Variants in CETN3 observed in about 807,000 individuals in gnomAD.
CETN3 encodes centrin 3.
In CETN3, 17 loss-of-function variants were observed where a neutral mutation model predicts 20.1. That is an observed-to-expected ratio of 0.85 (90% CI 0.58 to 1.27). The LOEUF is 1.27. Among genes scored for constraint, CETN3 ranks in the 50% most tolerant of loss-of-function variants. The pLI, the probability that CETN3 is intolerant of heterozygous loss-of-function variation, is 0.00. For synonymous variants in CETN3, 52 were observed against 59.7 expected (o/e 0.87, Z 0.59); for missense variants, 169 against 191.2 (o/e 0.88, Z 0.69).
At chr5:90,409,587 A>G in intron 1 of CETN3, 58 bp downstream of exon 1, 2 of 1,603,718 alleles carry the variant, frequency 1.2e-6, no homozygotes, top group East Asian at 2.2e-5. Flanking sequence ...TTCCACACAC[A>G]CCCTCCCTGG....
chr5:90,408,988 T>C (rs1352472020), intron 1 of CETN3, among the ~76,000 whole-genome samples: 2 of 152,006 alleles, frequency 1.3e-5, no homozygotes, highest in Non-Finnish European at 2.9e-5. Flanking sequence ...AAGGGTACCA[T>C]GATTATCCCT....
At chr5:90,396,889 C>A (rs1349930284) in intron 4 of CETN3, among the ~76,000 whole-genome samples, 1 of 151,884 alleles carries the variant, frequency 6.6e-6, no homozygotes, top group African/African-American at 2.4e-5. Flanking sequence ...ATTCAACCAA[C>A]TGCAGATGAA....
At chr5:90,405,370 T>A in intron 3 of CETN3, 2 of 332,202 alleles carry the variant, frequency 6.0e-6, no homozygotes, top group Non-Finnish European at 1.1e-5. Flanking sequence ...AATAATTTTT[T>A]GATCACCCTT....
Position 90,394,124 on chromosome 5 carries a change from A to C in CETN3, c.461-17T>G, listed in dbSNP as rs1358649797. ...CTTGGTTTACTGTGGTAAGAAAGAA[A>C]ATGAAATAGTCAGAAATATAAACAT... is the stretch of plus-strand genomic sequence containing the variant. On this transcript the variant is annotated splice_polypyrimidine_tract_variant and intron_variant, in intron 4 of 4. Coordinates refer to ENST00000283122, the MANE Select transcript of CETN3 (RefSeq NM_004365.4). The C allele has an allele frequency of 6.7e-7, 1 of 1,492,170 alleles. No homozygotes were observed. Among genetic ancestry groups the C allele is most frequent in the Non-Finnish European group, 9.2e-7 (1 of 1,083,958 alleles). The allele number at this position is 1,492,170 out of a possible 1,614,324, so 92.4% of individuals were successfully genotyped here.
At chr5:90,404,054 T>C (rs1332692227) in intron 3 of CETN3, among the ~76,000 whole-genome samples, 1 of 152,148 alleles carries the variant, frequency 6.6e-6, no homozygotes, top group Non-Finnish European at 1.5e-5. Context: ...TATATGATTA[T>C]TTCGAGCCCC....
chr5:90,394,189 G>C, intron 4 of CETN3, 82 bp from the exon 5 acceptor site: 1 of 919,434 alleles, frequency 1.1e-6, no homozygotes, highest in Non-Finnish European at 1.6e-6. Flanking sequence ...TTTACACTAA[G>C]TATTTAAAAA....
chr5:90,397,180 C>T (rs1305696817), intron 4 of CETN3, among the ~76,000 whole-genome samples: 1 of 152,004 alleles, frequency 6.6e-6, no homozygotes, highest in African/African-American at 2.4e-5. Context: ...ACTACTTAAA[C>T]CCAAGAAAGT....
intron 1 of CETN3, among the ~76,000 whole-genome samples, 156 bp downstream of exon 1, chr5:90,409,489 G>A (rs574630041): frequency 2.0e-5 from 3 of 152,334 alleles, no homozygotes; most frequent in African/African-American, 7.2e-5. Flanking sequence ...GAGCCCAGAG[G>A]GTGAGTGATC....
rs577165348 is a variant in CETN3 at position 90,408,863 on chromosome 5, T to C, written c.17+782A>G. Among the ~76,000 whole-genome samples, 3 of 149,534 alleles carry C rather than the reference T, an allele frequency of 2.0e-5. No individual in the cohort carries two copies. The South Asian group carries it at 6.4e-4, about 32-fold the overall frequency. On this transcript the variant is annotated intron_variant, in intron 1 of 4. Transcript: ENST00000283122. ...TGCAGTATAACAAAGCTGAGGAAGATCTTCCTTTCATGAGACCTGACTTGA... is the reference window on the plus strand; with the variant it reads ...TGCAGTATAACAAAGCTGAGGAAGACCTTCCTTTCATGAGACCTGACTTGA...
intron 3 of CETN3, among the ~76,000 whole-genome samples, chr5:90,400,534 G>T (rs1048596338): frequency 2.7e-5 from 4 of 150,300 alleles, no homozygotes; most frequent in Non-Finnish European, 5.9e-5. Flanking sequence ...GGTATTTATG[G>T]CCTTTACTAT....
At chr5:90,408,615 G>A (rs1436707230) in intron 1 of CETN3, among the ~76,000 whole-genome samples, 2 of 152,090 alleles carry the variant, frequency 1.3e-5, no homozygotes, top group Non-Finnish European at 2.9e-5. Flanking sequence ...TTATTTTAAA[G>A]CCAGAAATGT....
chr5:90,407,462 G>A (rs933415760), intron 2 of CETN3, among the ~76,000 whole-genome samples: 48 of 152,000 alleles, frequency 3.2e-4, no homozygotes, highest in African/African-American at 1.1e-3. Context: ...CCTTCCCTGG[G>A]AATGTATTTT....
chr5:90,404,130 A>T (rs1425664575), intron 3 of CETN3, among the ~76,000 whole-genome samples: 1 of 152,172 alleles, frequency 6.6e-6, no homozygotes, highest in Admixed American at 6.5e-5. Flanking sequence ...ACAACATGCT[A>T]GGCCCTTTTC....
At chr5:90,406,585 G>A (rs1402676805) in intron 2 of CETN3, among the ~76,000 whole-genome samples, 1 of 151,846 alleles carries the variant, frequency 6.6e-6, no homozygotes. Context: ...CAAAAGTGTA[G>A]AGAACATTCA....
At chr5:90,404,410 TA>T (rs1243008446) in intron 3 of CETN3, among the ~76,000 whole-genome samples, 2 of 152,188 alleles carry the variant, frequency 1.3e-5, no homozygotes, top group African/African-American at 4.8e-5. Flanking sequence ...ATAAACAATC[TA>T]AGGTAAAACT....
rs1383836047 is a variant in CETN3 at position 90,405,799 on chromosome 5, C to A, written c.154G>T (p.Val52Leu). 8.8e-6 allele frequency: 14 copies of A among 1,590,862 alleles called. No individual in the cohort carries two copies. The highest frequency in any genetic ancestry group is 1.2e-5 in the Non-Finnish European group (14 of 1,166,950). ...DEAIDYHELK[V>L]AMRALGFDVK... ...TCAAACCCCAAGGCTCTCATTGCCA[C>A]CTTTTGGATTAAAAAGGAAAAGCAA... The change falls in exon 3 of 5, where the codon GTG becomes TTG. Residue 52 changes from valine (V) to leucine (L), a missense_variant and splice_region_variant. Val to Leu is a conservative substitution (Grantham distance 32, BLOSUM62 1). Transcript: ENST00000283122.
Position 90,392,865 on chromosome 5 carries a change from G to A in CETN3, c.*1199C>T, listed in dbSNP as rs952425713. ...CTATAGTATTCCCTACTGATTTTGT[G>A]TTAAATTTCTAGTGGACAACCCTTA... On this transcript the variant is annotated 3_prime_UTR_variant, in exon 5 of 5. Coordinates refer to ENST00000283122, the MANE Select transcript of CETN3 (RefSeq NM_004365.4). The A allele has an allele frequency of 6.6e-6, 1 of 152,130 alleles. No individual in the cohort carries two copies. The highest frequency in any genetic ancestry group is 2.4e-5 in the African/African-American group (1 of 41,422). The allele number at this position is 152,130 out of a possible 1,614,324, so 9.4% of individuals were successfully genotyped here.
At chr5:90,407,237 A>G (rs1019274225) in intron 2 of CETN3, among the ~76,000 whole-genome samples, 1 of 152,190 alleles carries the variant, frequency 6.6e-6, no homozygotes, top group Non-Finnish European at 1.5e-5. Context: ...ATGTGTCAAC[A>G]TCAAACAGCA....
intron 3 of CETN3, among the ~76,000 whole-genome samples, chr5:90,403,319 A>T (rs1749347387): frequency 6.6e-6 from 1 of 152,208 alleles, no homozygotes; most frequent in Admixed American, 6.5e-5. Flanking sequence ...AAGGGGTAAT[A>T]CATAGTTCCT....
Sources: allele counts gnomAD v4.1 joint callset (sites outside exome capture counted in the v4.1 genomes callset), GRCh38; gene constraint gnomAD v4.1.1; transcripts MANE v1.5; gene names NCBI Gene and HGNC (gene_info 2026-07-23, HGNC 2026-07-21).